NCAM1: variants seen among roughly 807,000 people sequenced by gnomAD.
NCAM1 encodes the protein neural cell adhesion molecule 1.
NCAM1 carries 14 observed loss-of-function variants against 109.8 expected under a neutral mutation model. The ratio of observed to expected loss-of-function variants is 0.13; its 90% CI spans 0.08 to 0.20. The LOEUF (loss-of-function observed/expected upper bound fraction) is 0.20, where lower values mean the gene tolerates loss of function less well. Among genes scored for constraint, NCAM1 ranks in the 10% least tolerant of loss-of-function variants. The pLI, the probability that NCAM1 is intolerant of heterozygous loss-of-function variation, is 1.00. For missense variants in NCAM1, 774 were observed against 1,109.9 expected, an observed-to-expected ratio of 0.70 and a Z score of 4.30; for synonymous variants, 418 against 442.9, an observed-to-expected ratio of 0.94 and a Z score of 0.70.
rs140683750 is a variant in NCAM1 at position 113,214,330 on chromosome 11, A to T, written c.917-39A>T. 560 of 1,607,224 alleles carry T rather than the reference A, an allele frequency of 3.5e-4. 5 individuals are homozygous for T. In the African/African-American group the frequency reaches 7.1e-3, roughly 20 times the overall value. ...CCATCATTTAAACCCAGAAAGCTCA[A>T]TAATTAGATAAACTCAGAGAAATGT... is the stretch of plus-strand genomic sequence containing the variant. On this transcript the variant is annotated intron_variant, in intron 7 of 19. Transcript: ENST00000316851.
rs1555123044 is a variant in NCAM1, at chr11:113,260,174, G to C, written c.1982G>C (p.Arg661Thr). ...TCCTCCGAGTGGAAACCAGAGATCA[G>C]GCTCCCGTCTGGCAGTGACCACGTC... ...ALSSEWKPEI[R>T]LPSGSDHVML... The change falls in exon 17 of 20, where the codon AGG becomes ACG. Residue 661 changes from arginine (R) to threonine (T), a missense_variant. Around this residue, in one of 4 missense-constraint regions of NCAM1, gnomAD observed 523 missense variants for 784.2 expected, o/e 0.67. Coordinates refer to ENST00000316851, the MANE Select transcript of NCAM1 (RefSeq NM_181351.5). 1.2e-6 allele frequency: 2 copies of C among 1,613,426 alleles called. No individual in the cohort carries two copies. The highest frequency in any genetic ancestry group is 1.7e-6 in the Non-Finnish European group (2 of 1,179,782).
At chr11:113,207,719 A>C in intron 6 of NCAM1, 114 bp from the exon 7 acceptor site, 1 of 1,169,312 alleles carries the variant, frequency 8.6e-7, no homozygotes, top group Non-Finnish European at 1.2e-6. Context: ...CTTTTTGTGA[A>C]GACTGAGGAG....
intron 17 of NCAM1, chr11:113,262,875 A>G: frequency 6.2e-7 from 1 of 1,613,746 alleles, no homozygotes. Flanking sequence ...TGCATCCTAC[A>G]CCTTTGTCTC....
At chr11:112,980,482 G>A (rs1380206292) in intron 1 of NCAM1, among the ~76,000 whole-genome samples, 1 of 151,872 alleles carries the variant, frequency 6.6e-6, no homozygotes, top group South Asian at 2.1e-4. Context: ...ATAAAATATT[G>A]TTGGGAAATA....
At chr11:113,163,566 G>A (rs1942676446) in intron 1 of NCAM1, among the ~76,000 whole-genome samples, 1 of 152,190 alleles carries the variant, frequency 6.6e-6, no homozygotes, top group Non-Finnish European at 1.5e-5. Flanking sequence ...TCTCTCTGGT[G>A]AATGGTAATA....
At chr11:112,985,935 T>A (rs1166917125) in intron 1 of NCAM1, among the ~76,000 whole-genome samples, 1 of 152,104 alleles carries the variant, frequency 6.6e-6, no homozygotes, top group South Asian at 2.1e-4. Flanking sequence ...TGGCTAGGAC[T>A]TTCAGTACTA....
chr11:113,086,914 C>G (rs1023461029), intron 1 of NCAM1, among the ~76,000 whole-genome samples: 1 of 152,144 alleles, frequency 6.6e-6, no homozygotes, highest in African/African-American at 2.4e-5. Context: ...ATCTGAATAA[C>G]TTCTCTTCAG....
chr11:113,199,829 T>TGGAAAAAAAAAAAAAAAAAAAA (rs60389510), intron 1 of NCAM1, among the ~76,000 whole-genome samples: 1 of 115,766 alleles, frequency 8.6e-6, no homozygotes, highest in African/African-American at 3.4e-5. Context: ...GAAACACCCT[T>TGGAAAAAAAAAAAAAAAAAAAA]AAAAAAAAAA....
At chr11:113,236,520 T>C (rs763158812) in intron 14 of NCAM1, among the ~76,000 whole-genome samples, 4 of 152,200 alleles carry the variant, frequency 2.6e-5, no homozygotes, top group Non-Finnish European at 5.9e-5. Context: ...CTCTTCCTGT[T>C]TTAGAGCATG....
At chr11:113,259,893 G>A (rs1407553932) in intron 16 of NCAM1, among the ~76,000 whole-genome samples, 8 of 151,914 alleles carry the variant, frequency 5.3e-5, no homozygotes, top group South Asian at 2.1e-4. Flanking sequence ...TAGTACAGAC[G>A]GGTTTTCACT....
At chr11:113,254,233 G>A (rs1346344351) in intron 15 of NCAM1, among the ~76,000 whole-genome samples, 1 of 152,154 alleles carries the variant, frequency 6.6e-6, no homozygotes, top group Non-Finnish European at 1.5e-5. Context: ...TTGTGGCCTG[G>A]GGCTAGATAG....
At chr11:113,103,165 G>A (rs1273902916) in intron 1 of NCAM1, among the ~76,000 whole-genome samples, 6 of 152,096 alleles carry the variant, frequency 3.9e-5, no homozygotes, top group Admixed American at 3.9e-4. Flanking sequence ...CTGGCCTCTG[G>A]TTTCTGTTCA....
At chr11:113,100,434 T>A (rs1348270726) in intron 1 of NCAM1, among the ~76,000 whole-genome samples, 1 of 152,148 alleles carries the variant, frequency 6.6e-6, no homozygotes, top group East Asian at 1.9e-4. Flanking sequence ...TTTTACACCT[T>A]GCCCTGTTGG....
intron 1 of NCAM1, among the ~76,000 whole-genome samples, chr11:113,000,817 C>CATATATATATATATATATATATATATAT (rs375984527): frequency 7.7e-6 from 1 of 129,458 alleles, no homozygotes; most frequent in Non-Finnish European, 1.6e-5. Context: ...ATTATATATA[C>CATATATATATATATATATATATATATAT]ATATATATAT....
At chr11:113,028,865 T>G (rs782380704) in intron 1 of NCAM1, among the ~76,000 whole-genome samples, 2 of 152,224 alleles carry the variant, frequency 1.3e-5, no homozygotes, top group Non-Finnish European at 2.9e-5. Context: ...ATGTCTAGTT[T>G]TTTTAGCCAA....
chr11:113,042,317 G>GT (rs2135432214), intron 1 of NCAM1, among the ~76,000 whole-genome samples: 1 of 152,192 alleles, frequency 6.6e-6, no homozygotes, highest in African/African-American at 2.4e-5. Flanking sequence ...CACTAGCCAT[G>GT]TCCTCCCAGA....
At chr11:113,264,754 A>G in intron 17 of NCAM1, 1 of 985,470 alleles carries the variant, frequency 1.0e-6, no homozygotes, top group Non-Finnish European at 1.2e-6. Flanking sequence ...TCATCTCAAC[A>G]CATCCCAGGG....
intron 5 of NCAM1, 78 bp from the exon 6 acceptor site, chr11:113,207,183 G>C (rs1402050012): frequency 8.9e-7 from 1 of 1,118,716 alleles, no homozygotes; most frequent in East Asian, 2.4e-5. Context: ...CTCCTGACCT[G>C]GAGTGGTGTC....
intron 1 of NCAM1, among the ~76,000 whole-genome samples, chr11:113,112,657 AAACATTATGAG>A (rs1408444971): frequency 2.6e-5 from 4 of 152,190 alleles, no homozygotes; most frequent in African/African-American, 9.6e-5. Context: ...TCTCCACAGC[AAACATTATGAG>A]AGTGTCTTCA....
Sources: allele counts gnomAD v4.1 joint callset (sites outside exome capture counted in the v4.1 genomes callset), GRCh38; gene constraint gnomAD v4.1.1; regional missense constraint gnomAD v4.1.1; transcripts MANE v1.5; gene names NCBI Gene and HGNC (gene_info 2026-07-23, HGNC 2026-07-21).